FMN1: variants seen among roughly 807,000 people sequenced by gnomAD.
FMN1 encodes formin 1, also known as formin-1.
In FMN1, 110 loss-of-function variants were observed where a neutral mutation model predicts 132.4. The observed-to-expected ratio is 0.83, with a 90% CI of 0.71 to 0.97. The LOEUF (loss-of-function observed/expected upper bound fraction) is 0.97, where lower values mean the gene tolerates loss of function less well. Among genes scored for constraint, FMN1 ranks in the 50% least tolerant of loss-of-function variants. The probability of loss-of-function intolerance (pLI) is 0.00; values close to 1 mark genes in which losing one functional copy is unlikely to be tolerated. For missense variants in FMN1, 1,792 were observed against 1,705.3 expected, an observed-to-expected ratio of 1.05 and a Z score of -0.90; for synonymous variants, 722 against 651.7, an observed-to-expected ratio of 1.11 and a Z score of -1.64.
At chr15:33,104,631 G>A (rs1164880521) in intron 4 of FMN1, among the ~76,000 whole-genome samples, 2 of 152,144 alleles carry the variant, frequency 1.3e-5, no homozygotes, top group East Asian at 1.9e-4. Context: ...AATTACTAGG[G>A]AAGCTAGTAA....
At chr15:32,878,423 A>C (rs1302616003) in intron 16 of FMN1, among the ~76,000 whole-genome samples, 4 of 152,184 alleles carry the variant, frequency 2.6e-5, no homozygotes, top group African/African-American at 4.8e-5. Context: ...GAAGCAGAGA[A>C]ACCTGCTTGA....
At chr15:32,837,216 G>T in intron 17 of FMN1, 2 of 232,794 alleles carry the variant, frequency 8.6e-6, no homozygotes, top group East Asian at 2.1e-4. Flanking sequence ...TCTCAGCCTT[G>T]TATCGTTCTG....
chr15:32,846,224 G>A (rs2058852279), intron 17 of FMN1, among the ~76,000 whole-genome samples: 2 of 152,126 alleles, frequency 1.3e-5, no homozygotes, highest in South Asian at 4.1e-4. Flanking sequence ...GTAGAAAAAA[G>A]TATTGCTTAA....
chr15:33,058,358 A>C (rs2037330380), intron 6 of FMN1, among the ~76,000 whole-genome samples: 1 of 152,208 alleles, frequency 6.6e-6, no homozygotes, highest in Non-Finnish European at 1.5e-5. Context: ...GACTGAATGC[A>C]CTGGTTTTAT....
chr15:33,003,705 C>G lies in FMN1; in HGVS notation c.2223+4309G>C, dbSNP rs1191652252. Among the ~76,000 whole-genome samples the G allele has an allele frequency of 1.5e-4, 23 of 152,176 alleles. No individual in the cohort carries two copies. In the South Asian group the frequency reaches 4.6e-3, roughly 30 times the overall value. ...TTGGAAAAAACTACTTTAAAGTTCA[C>G]ATGGAACCAAAAAAGAGCCCGCATT... is the stretch of plus-strand genomic sequence containing the variant. On this transcript the variant is annotated intron_variant, in intron 7 of 20. Transcript: ENST00000616417.
intron 16 of FMN1, among the ~76,000 whole-genome samples, chr15:32,858,956 T>C (rs1171801766): frequency 1.3e-5 from 2 of 151,984 alleles, no homozygotes; most frequent in Non-Finnish European, 1.5e-5. Flanking sequence ...TGCGCTAGAG[T>C]AGTGTCCAAG....
At chr15:33,094,798 G>A (rs1174166498) in intron 4 of FMN1, among the ~76,000 whole-genome samples, 1 of 152,118 alleles carries the variant, frequency 6.6e-6, no homozygotes, top group Admixed American at 6.6e-5. Context: ...ACTCAGACTA[G>A]GAAACTTATG....
intron 2 of FMN1, among the ~76,000 whole-genome samples, chr15:33,183,142 C>T (rs1965760787): frequency 6.6e-6 from 1 of 152,170 alleles, no homozygotes; most frequent in African/African-American, 2.4e-5. Context: ...ATGACCAAGG[C>T]CTGCTGTCAT....
chr15:32,905,720 C>T (rs956634300), intron 12 of FMN1, among the ~76,000 whole-genome samples: 22 of 152,150 alleles, frequency 1.4e-4, no homozygotes, highest in Admixed American at 5.2e-4. Context: ...GAAACTGCAA[C>T]GTTAAAACTA....
rs866637823 is a variant in FMN1 at position 32,804,281 on chromosome 15, C to G, written c.3980G>C (p.Ser1327Thr). The G allele has an allele frequency of 6.4e-7, 1 of 1,565,814 alleles. No individual in the cohort carries two copies. Among genetic ancestry groups the G allele is most frequent in the South Asian group, 1.2e-5 (1 of 84,942 alleles). ...EESHLENAQK[S>T]FETTVRYFGM... Reference sequence around the variant, plus strand: ...CTGGGGCCAAATCAGAGCTGCTTACCTTTTCTGTGCATTCTCCAAGTGACT... The same window carrying G: ...CTGGGGCCAAATCAGAGCTGCTTACGTTTTCTGTGCATTCTCCAAGTGACT... The change falls in exon 18 of 21, where the codon AGT becomes ACT. Residue 1327 changes from serine (S) to threonine (T), a missense_variant and splice_region_variant. Coordinates refer to ENST00000616417, the MANE Select transcript of FMN1 (RefSeq NM_001277313.2).
At chr15:33,014,126 G>A (rs1268265641) in intron 6 of FMN1, among the ~76,000 whole-genome samples, 1 of 152,254 alleles carries the variant, frequency 6.6e-6, no homozygotes, top group Non-Finnish European at 1.5e-5. Flanking sequence ...TGTAGAAGGA[G>A]GAAGCTAATG....
intron 5 of FMN1, among the ~76,000 whole-genome samples, chr15:33,078,445 A>G (rs1294227497): frequency 6.6e-6 from 1 of 152,220 alleles, no homozygotes; most frequent in African/African-American, 2.4e-5. Flanking sequence ...TCAATACTTT[A>G]AAAAGCCTCA....
intron 6 of FMN1, among the ~76,000 whole-genome samples, chr15:33,051,985 A>T (rs1333398625): frequency 6.6e-6 from 1 of 152,154 alleles, no homozygotes; most frequent in Non-Finnish European, 1.5e-5. Flanking sequence ...CCTGCTCTAA[A>T]ACTTGCCTTC....
At chr15:32,800,983 T>C (rs1417636908) in intron 18 of FMN1, among the ~76,000 whole-genome samples, 1 of 152,238 alleles carries the variant, frequency 6.6e-6, no homozygotes. Context: ...GGAAAGTCTT[T>C]CATTTCTAGT....
At chr15:33,167,184 T>A (rs538063941) in intron 3 of FMN1, among the ~76,000 whole-genome samples, 1 of 152,194 alleles carries the variant, frequency 6.6e-6, no homozygotes, top group Non-Finnish European at 1.5e-5. Context: ...CCACGTGTCA[T>A]GGGCAGGCCA....
intron 6 of FMN1, among the ~76,000 whole-genome samples, chr15:33,056,335 G>C (rs2037214872): frequency 1.3e-5 from 2 of 152,202 alleles, no homozygotes; most frequent in Admixed American, 6.5e-5. Flanking sequence ...GACAATTCGA[G>C]AATCAGGCAG....
In FMN1 at chr15:32,771,043, C is replaced by T. The variant is rs1415533742; in HGVS notation, c.*3267G>A. ...GCCACTTATTGAGATAAAAGCCATA[C>T]AGCACACCTCCTAACCTGGTTTTTG... On this transcript the variant is annotated 3_prime_UTR_variant, in exon 21 of 21. Transcript: ENST00000616417. 6.6e-6 allele frequency: 1 copy of T among 151,714 alleles called. No homozygotes were observed. Among genetic ancestry groups the T allele is most frequent in the Non-Finnish European group, 1.5e-5 (1 of 67,968 alleles). 9.4% of individuals were successfully genotyped at this position (151,714 alleles called of 1,614,324 possible).
chr15:33,020,789 T>C (rs1414496846), intron 6 of FMN1, among the ~76,000 whole-genome samples: 1 of 152,246 alleles, frequency 6.6e-6, no homozygotes, highest in Non-Finnish European at 1.5e-5. Flanking sequence ...GATGTGCATC[T>C]TTGAAATATC....
intron 9 of FMN1, among the ~76,000 whole-genome samples, chr15:32,943,954 T>C (rs759918656): frequency 1.3e-5 from 2 of 152,154 alleles, no homozygotes; most frequent in African/African-American, 2.4e-5. Flanking sequence ...ACAGGCCTTA[T>C]GCACAGAAAA....
Sources: gnomAD v4.1 joint callset for allele counts (sites outside exome capture counted in the v4.1 genomes callset) on GRCh38, gnomAD v4.1.1 for gene constraint, MANE v1.5 for transcripts, NCBI Gene and HGNC (gene_info 2026-07-23, HGNC 2026-07-21) for gene names.